ARPC5: variants seen among roughly 807,000 people sequenced by gnomAD.
ARPC5 encodes the protein actin related protein 2/3 complex subunit 5, also known as actin-related protein 2/3 complex subunit 5.
Under a neutral mutation model 15.4 loss-of-function variants are expected in ARPC5, and 5 were observed. That is an observed-to-expected ratio of 0.32 (90% CI 0.17 to 0.68). The LOEUF (loss-of-function observed/expected upper bound fraction) is 0.68. ARPC5 is among the 30% of genes least tolerant of loss of function. ARPC5 has a pLI of 0.71. For synonymous variants in ARPC5, 85 were observed against 72.2 expected, an observed-to-expected ratio of 1.18 and a Z score of -0.90; for missense variants, 138 against 192.8, an observed-to-expected ratio of 0.72 and a Z score of 1.68.
Position 183,627,469 on chromosome 1 carries a change from G to A in ARPC5, c.*63C>T. ...ACCCACAGGGCAGCGGTGGCATTTG[G>A]TTGTTTTGGTCTTTGTACCAGCAAT... On this transcript the variant is annotated 3_prime_UTR_variant, in exon 4 of 4. Transcript: ENST00000359856. 1 of 1,424,784 alleles carries A rather than the reference G, an allele frequency of 7.0e-7. No individual in the cohort carries two copies. The highest frequency in any genetic ancestry group is 9.9e-7 in the Non-Finnish European group (1 of 1,008,148). 88.3% of individuals were successfully genotyped at this position (1,424,784 alleles called of 1,614,324 possible). A position where few individuals can be genotyped will look rare whatever the true frequency, so the allele number is the denominator to read the frequency against.
intron 1 of ARPC5, among the ~76,000 whole-genome samples, 190 bp downstream of exon 1, chr1:183,635,327 C>A (rs1216571206): frequency 6.6e-6 from 1 of 152,212 alleles, no homozygotes; most frequent in East Asian, 1.9e-4. Flanking sequence ...GCGTCTCCTG[C>A]CGACTGGGTA....
rs1649236806 is a variant in ARPC5 at position 183,630,627 on chromosome 1, C to A, written c.227G>T (p.Gly76Val). The change falls in exon 3 of 4, where the codon GGC (glycine) becomes GTC (valine). Residue 76 changes from glycine to valine, a missense_variant. Gly to Val is a moderately radical substitution (Grantham distance 109). This residue lies in a region of ARPC5 where 121 missense variants were observed against 153.7 expected (regional missense o/e 0.79). Transcript: ENST00000359856. ...TKSQAVKDRA[G>V]SIVLKVLISF... ...GATGAGCACCTTCAAGACAATGCTG[C>A]CTGCCCGGTCCTGGTGGGTCAATAA... 6.2e-7 allele frequency: 1 copy of A among 1,612,592 alleles called. No individual in the cohort carries two copies. The highest frequency in any genetic ancestry group is 1.7e-5 in the Admixed American group (1 of 59,836).
rs1572193981 is a variant in ARPC5 at position 183,622,103 on chromosome 1, A to C, written c.*5429T>G. On this transcript the variant is annotated 3_prime_UTR_variant, in exon 4 of 4. Transcript: ENST00000359856. The stretch of plus-strand genomic sequence containing the variant: ...AAGCAAGGAACAGAACACTATATAT[A>C]GTATGTTAGTATTTATGTACACAAA... 1.3e-5 allele frequency: 2 copies of C among 152,208 alleles called. No individual in the cohort carries two copies. The highest frequency in any genetic ancestry group is 4.8e-5 in the African/African-American group (2 of 41,452). 9.4% of individuals were successfully genotyped at this position (152,208 alleles called of 1,614,324 possible).
At chr1:183,635,475 T>A (rs1475985607) in intron 1 of ARPC5, 42 bp downstream of exon 1, 1 of 773,956 alleles carries the variant, frequency 1.3e-6, no homozygotes. Context: ...AAGGGCGGGC[T>A]GGGCTGGGCT....
chr1:183,625,377 T>G lies in ARPC5; in HGVS notation c.*2155A>C, dbSNP rs1649067287. The G allele has an allele frequency of 6.6e-6, 1 of 152,230 alleles. No individual in the cohort carries two copies. Among genetic ancestry groups the G allele is most frequent in the African/African-American group, 2.4e-5 (1 of 41,460 alleles). The allele number at this position is 152,230 out of a possible 1,614,324, so 9.4% of individuals were successfully genotyped here. ...TCTCCCCTCAGTAAAGCTGATAGAC[T>G]GGCAGATTCTAAATACACCCACCCA... On this transcript the variant is annotated 3_prime_UTR_variant, in exon 4 of 4. Coordinates refer to ENST00000359856, the MANE Select transcript of ARPC5 (RefSeq NM_005717.4).
At chr1:183,631,475 G>A (rs917854187) in intron 2 of ARPC5, 18 of 151,442 alleles carry the variant, frequency 1.2e-4, no homozygotes, top group African/African-American at 3.9e-4. Context: ...AGCTACTCGG[G>A]AGGCTGAAGC....
chr1:183,623,584 C>G lies in ARPC5; in HGVS notation c.*3948G>C. On this transcript the variant is annotated 3_prime_UTR_variant, in exon 4 of 4. Coordinates refer to ENST00000359856, the MANE Select transcript of ARPC5 (RefSeq NM_005717.4). Reference sequence around the variant, plus strand: ...GCGGCAGGAATATGGACAGAAGCAGCCTTGTTTAAGGGCACTTGGTTCTAC... The same window carrying G: ...GCGGCAGGAATATGGACAGAAGCAGGCTTGTTTAAGGGCACTTGGTTCTAC... 2 of 1,482,130 alleles carry G rather than the reference C, an allele frequency of 1.3e-6. No individual in the cohort carries two copies. The highest frequency in any genetic ancestry group is 2.0e-5 in the Admixed American group (1 of 50,806). The allele number at this position is 1,482,130 out of a possible 1,614,324, so 91.8% of individuals were successfully genotyped here. A position where few individuals can be genotyped will look rare whatever the true frequency, so the allele number is the denominator to read the frequency against.
In ARPC5 at chr1:183,633,136, G is replaced by A. The variant is rs1649316159; in HGVS notation, c.162C>T (p.Ala54=). 1 of 1,601,868 alleles carries A rather than the reference G, an allele frequency of 6.2e-7. No individual in the cohort carries two copies. Among genetic ancestry groups the A allele is most frequent in the Non-Finnish European group, 8.5e-7 (1 of 1,175,560 alleles). The part of the protein sequence containing the change: ...SCLRQGNMTA[A]LQAALKNPPI... ...GGGGGTTCTTCAGAGCTGCCTGTAG[G>A]GCAGCTGTCATGTTTCCTGTGATGG... The change falls in exon 2 of 4, where the codon GCC becomes GCT. Residue 54 remains alanine (A), a synonymous_variant. Transcript: ENST00000359856.
chr1:183,632,151 T>C (rs149193768), intron 2 of ARPC5: 10 of 152,366 alleles, frequency 6.6e-5, no homozygotes, highest in Non-Finnish European at 1.3e-4. Context: ...TACTATTCAA[T>C]TGAGATTCTT....
At position 183,621,494 on chromosome 1, in the gene ARPC5, A is replaced by C. The variant is rs1648935444; in HGVS notation, c.*6038T>G. On this transcript the variant is annotated 3_prime_UTR_variant, in exon 4 of 4. Transcript: ENST00000359856. ...GAAAGTGGTCCCAATCCAGACCCCA[A>C]GTGAGCGTTCTTGGATCTCACACAA... The C allele has an allele frequency of 6.6e-6, 1 of 152,234 alleles. No homozygotes were observed. The highest frequency in any genetic ancestry group is 1.5e-5 in the Non-Finnish European group (1 of 68,040). The allele number at this position is 152,234 out of a possible 1,614,324, so 9.4% of individuals were successfully genotyped here.
intron 2 of ARPC5, chr1:183,632,390 T>C (rs1046479600): frequency 1.9e-4 from 29 of 151,930 alleles, no homozygotes; most frequent in Admixed American, 1.6e-3. Flanking sequence ...AGAGAACAAT[T>C]AAAAATTTAC....
rs2767301 is a variant in ARPC5 at position 183,621,777 on chromosome 1, G to A, written c.*5755C>T. 60,529 of 152,070 alleles carry A rather than the reference G, an allele frequency of 0.4. 12,264 individuals are homozygous for A. Among genetic ancestry groups the A allele is most frequent in the African/African-American group, 0.47 (19,556 of 41,472 alleles). The allele number at this position is 152,070 out of a possible 1,614,324, so 9.4% of individuals were successfully genotyped here. A position where few individuals can be genotyped will look rare whatever the true frequency, so the allele number is the denominator to read the frequency against. ...CGGTGGGAGCGTAGCGGTGAGGATG[G>A]CCAGAGGCAGAGGTCACTTTCATTG... is the stretch of plus-strand genomic sequence containing the variant. On this transcript the variant is annotated 3_prime_UTR_variant, in exon 4 of 4. Coordinates refer to ENST00000359856, the MANE Select transcript of ARPC5 (RefSeq NM_005717.4).
At chr1:183,628,683 C>T (rs561740309) in intron 3 of ARPC5, among the ~76,000 whole-genome samples, 1 of 152,302 alleles carries the variant, frequency 6.6e-6, no homozygotes, top group South Asian at 2.1e-4. Flanking sequence ...AGGAATGTTT[C>T]AGCTAAGGCT....
intron 3 of ARPC5, among the ~76,000 whole-genome samples, chr1:183,628,077 G>A (rs897543573): frequency 4.7e-5 from 7 of 149,746 alleles, no homozygotes; most frequent in Non-Finnish European, 8.9e-5. Context: ...GGAGGCTGAG[G>A]CAGGACAATG....
chr1:183,630,759 C>T (rs771910704), intron 2 of ARPC5, 122 bp from the exon 3 acceptor site: 3 of 857,506 alleles, frequency 3.5e-6, no homozygotes, highest in Non-Finnish European at 5.3e-6. Flanking sequence ...TGAAAGAAGG[C>T]TTGGGATAAC....
In ARPC5 at chr1:183,626,838, A is replaced by G. The variant is rs1488802314; in HGVS notation, c.*694T>C. On this transcript the variant is annotated 3_prime_UTR_variant, in exon 4 of 4. Transcript: ENST00000359856. ...TGATGTTCATGCCCAACAAGCTCTG[A>G]TATTTTATGGATACATTTGTATAAA... The G allele has an allele frequency of 1.3e-5, 2 of 152,254 alleles. No individual in the cohort carries two copies. The highest frequency in any genetic ancestry group is 1.3e-4 in the Admixed American group (2 of 15,286). The allele number at this position is 152,254 out of a possible 1,614,324, so 9.4% of individuals were successfully genotyped here.
At chr1:183,633,938 C>T (rs1649341058) in intron 1 of ARPC5, 1 of 152,174 alleles carries the variant, frequency 6.6e-6, no homozygotes, top group Admixed American at 6.5e-5. Context: ...CTCTAGTACC[C>T]CACCACTAGG....
chr1:183,634,812 C>T (rs746049006), intron 1 of ARPC5, among the ~76,000 whole-genome samples: 18 of 152,108 alleles, frequency 1.2e-4, no homozygotes, highest in Non-Finnish European at 2.2e-4. Context: ...TAAAAGGCTC[C>T]AAGCTTCCTT....
In ARPC5 at chr1:183,635,638, A is replaced by C; in HGVS notation, c.22T>G (p.Ser8Ala). The stretch of plus-strand genomic sequence containing the variant: ...ACGTCCACCTTCCGGAAGCGGGCCG[A>C]CGACACTGTGTTCTTCGACATCCCA... Reference protein sequence around the residue: MSKNTVSSARFRKVDVDE... With the variant: MSKNTVSAARFRKVDVDE... Residue 8 changes from serine (S) to alanine (A), a missense_variant, in exon 1 of 4, where the codon TCG becomes GCG. Transcript: ENST00000359856. The C allele has an allele frequency of 6.2e-7, 1 of 1,613,168 alleles. No individual in the cohort carries two copies. Among genetic ancestry groups the C allele is most frequent in the Non-Finnish European group, 8.5e-7 (1 of 1,179,668 alleles).
Sources: gnomAD v4.1 joint callset for allele counts (sites outside exome capture counted in the v4.1 genomes callset) on GRCh38, gnomAD v4.1.1 for gene constraint, gnomAD v4.1.1 regional missense constraint, MANE v1.5 for transcripts, NCBI Gene and HGNC (gene_info 2026-07-23, HGNC 2026-07-21) for gene names.